Variants in ZNF525 observed in about 807,000 individuals in gnomAD.
ZNF525 encodes the protein zinc finger protein 525.
A neutral mutation model predicts 37.6 loss-of-function variants in ZNF525; 33 were observed. The observed-to-expected ratio is 0.88, with a 90% CI of 0.67 to 1.17. The LOEUF (loss-of-function observed/expected upper bound fraction) is 1.17, where lower values mean the gene tolerates loss of function less well. Among genes scored for constraint, ZNF525 ranks in the 50% most tolerant of loss-of-function variants. The probability of loss-of-function intolerance (pLI) is 0.00; values close to 1 mark genes in which losing one functional copy is unlikely to be tolerated. For synonymous variants in ZNF525, 170 were observed against 182.3 expected, an observed-to-expected ratio of 0.93 and a Z score of 0.54; for missense variants, 449 against 543.1, an observed-to-expected ratio of 0.83 and a Z score of 1.72.
In ZNF525 at chr19:53,383,389, A is replaced by G; in HGVS notation, c.*1370A>G. 5.3e-6 allele frequency: 6 copies of G among 1,130,848 alleles called. No individual in the cohort carries two copies. Among genetic ancestry groups the G allele is most frequent in the Non-Finnish European group, 7.7e-6 (6 of 781,122 alleles). The allele number at this position is 1,130,848 out of a possible 1,614,324, so 70.1% of individuals were successfully genotyped here. ...CGTCATCATAGAATTCATACTGGAG[A>G]GAAACCTTAGAAATGTGAAGAATGT... is the stretch of plus-strand genomic sequence containing the variant. On this transcript the variant is annotated 3_prime_UTR_variant, in exon 4 of 4. Coordinates refer to ENST00000474037, the MANE Select transcript of ZNF525 (RefSeq NM_001348156.2).
At chr19:53,376,344 C>G (rs1183370815) in intron 3 of ZNF525, 1 of 702,628 alleles carries the variant, frequency 1.4e-6, no homozygotes. Flanking sequence ...TTGAGTCAGT[C>G]TTTGCCTTCT....
At position 53,375,903 on chromosome 19, in the gene ZNF525, A is replaced by G. The variant is rs747325240; in HGVS notation, c.142+7A>G. ...AGGAACCTGGTCTCCCTGGGTGAGG[A>G]TAACTTCCCTCCAGAAGTGGGGATG... On this transcript the variant is annotated splice_region_variant and intron_variant, in intron 3 of 3. Coordinates refer to ENST00000474037, the MANE Select transcript of ZNF525 (RefSeq NM_001348156.2). 3 of 1,613,296 alleles carry G rather than the reference A, an allele frequency of 1.9e-6. No homozygotes were observed. Among genetic ancestry groups the G allele is most frequent in the Non-Finnish European group, 2.5e-6 (3 of 1,179,782 alleles).
chr19:53,380,832 T>A lies in ZNF525; in HGVS notation c.253T>A (p.Phe85Ile), dbSNP rs1472865939. The change falls in exon 4 of 4, where the codon TTT (phenylalanine) becomes ATT (isoleucine). Residue 85 changes from phenylalanine to isoleucine, a missense_variant. Around this residue, in one of 2 missense-constraint regions of ZNF525, gnomAD observed 271 missense variants for 381.6 expected, o/e 0.71. Coordinates refer to ENST00000474037, the MANE Select transcript of ZNF525 (RefSeq NM_001348156.2). ...QRHERHHIGD[F>I]SFQEIEKDIH... ...ACATGAACGTCATCACATTGGAGAT[T>A]TTTCCTTCCAGGAAATTGAGAAAGA... The A allele has an allele frequency of 6.9e-7, 1 of 1,441,524 alleles. No homozygotes were observed. The highest frequency in any genetic ancestry group is 9.8e-7 in the Non-Finnish European group (1 of 1,022,974). 89.3% of individuals were successfully genotyped at this position (1,441,524 alleles called of 1,614,324 possible).
At chr19:53,370,017 C>A (rs2085475819) in intron 1 of ZNF525, among the ~76,000 whole-genome samples, 1 of 151,334 alleles carries the variant, frequency 6.6e-6, no homozygotes, top group Admixed American at 6.6e-5. Context: ...AGCCACCGCG[C>A]CCGGCCAAGA....
At chr19:53,380,482 C>T (rs1296878093) in intron 3 of ZNF525, among the ~76,000 whole-genome samples, 1 of 152,148 alleles carries the variant, frequency 6.6e-6, no homozygotes, top group Non-Finnish European at 1.5e-5. Context: ...AACTGTTAGA[C>T]ACTTTAGGGT....
chr19:53,381,501 T>C lies in ZNF525; in HGVS notation c.922T>C (p.Phe308Leu). 1 of 1,340,542 alleles carries C rather than the reference T, an allele frequency of 7.5e-7. No homozygotes were observed. The highest frequency in any genetic ancestry group is 1.1e-6 in the Non-Finnish European group (1 of 930,604). 83.0% of individuals were successfully genotyped at this position (1,340,542 alleles called of 1,614,324 possible). ...CAAATGTGAAGAATGTGACAAAGCT[T>C]TCAGACACAATTCAGCCCTTCAAAG... ...PYKCEECDKA[F>L]RHNSALQRHR... Residue 308 changes from phenylalanine (F) to leucine (L), a missense_variant, in exon 4 of 4, where the codon TTC becomes CTC. Physicochemically the swap from Phe to Leu is conservative, Grantham distance 22. Around this residue, in one of 2 missense-constraint regions of ZNF525, gnomAD observed 271 missense variants for 381.6 expected, o/e 0.71. Transcript: ENST00000474037.
At chr19:53,369,782 T>C in intron 1 of ZNF525, among the ~76,000 whole-genome samples, 1 of 118,322 alleles carries the variant, frequency 8.5e-6, no homozygotes, top group Non-Finnish European at 1.7e-5. Context: ...TGGAGTGCAG[T>C]GGCGCGATCT....
chr19:53,371,887 G>A (rs1204948587), intron 1 of ZNF525, among the ~76,000 whole-genome samples: 4 of 152,110 alleles, frequency 2.6e-5, no homozygotes, highest in Admixed American at 1.3e-4. Flanking sequence ...GAGCTCAAGC[G>A]ATCTACCCCT....
intron 1 of ZNF525, among the ~76,000 whole-genome samples, chr19:53,368,922 C>T (rs796811908): frequency 6.6e-6 from 1 of 152,012 alleles, no homozygotes; most frequent in Non-Finnish European, 1.5e-5. Flanking sequence ...GCTGGGGTGC[C>T]ACGATATGCA....
chr19:53,370,628 G>C (rs2085481326), intron 1 of ZNF525, among the ~76,000 whole-genome samples: 1 of 152,046 alleles, frequency 6.6e-6, no homozygotes, highest in Non-Finnish European at 1.5e-5. Context: ...TCTTCTGGGA[G>C]AGGGGAGTGC....
chr19:53,381,114 A>G lies in ZNF525; in HGVS notation c.535A>G (p.Arg179Gly). 1.4e-6 allele frequency: 2 copies of G among 1,439,382 alleles called. No individual in the cohort carries two copies. Among genetic ancestry groups the G allele is most frequent in the Middle Eastern group, 3.5e-4 (2 of 5,720 alleles). 89.2% of individuals were successfully genotyped at this position (1,439,382 alleles called of 1,614,324 possible). A position where few individuals can be genotyped will look rare whatever the true frequency, so the allele number is the denominator to read the frequency against. The change falls in exon 4 of 4, where the codon AGA (arginine) becomes GGA (glycine). Residue 179 changes from arginine to glycine, a missense_variant. This residue lies in a region of ZNF525 where 271 missense variants were observed against 381.6 expected (regional missense o/e 0.71). Transcript: ENST00000474037. ...TGCTTCCTCGGTTTCAACAGCCCAA[A>G]GAATTTCTTGTAGGCCCAAAACCCA... ...NDASSVSTAQRISCRPKTHIS... is the reference protein window; with the variant it reads ...NDASSVSTAQGISCRPKTHIS...
chr19:53,367,209 A>G (rs939779856), intron 1 of ZNF525, among the ~76,000 whole-genome samples: 1 of 152,150 alleles, frequency 6.6e-6, no homozygotes, highest in African/African-American at 2.4e-5. Context: ...CTTCTCAAAC[A>G]GCGTCTCATA....
At chr19:53,367,806 A>G (rs757246806) in intron 1 of ZNF525, among the ~76,000 whole-genome samples, 10 of 151,924 alleles carry the variant, frequency 6.6e-5, no homozygotes, top group East Asian at 2.0e-4. Context: ...AAGCTAATCT[A>G]TTTTGGTAGA....
At chr19:53,370,082 G>T (rs2085476346) in intron 1 of ZNF525, among the ~76,000 whole-genome samples, 1 of 151,380 alleles carries the variant, frequency 6.6e-6, no homozygotes. Context: ...AAGGATAGGG[G>T]TGATAAAGAC....
chr19:53,374,228 C>T (rs927127224), intron 2 of ZNF525, among the ~76,000 whole-genome samples: 1 of 152,094 alleles, frequency 6.6e-6, no homozygotes, highest in African/African-American at 2.4e-5. Context: ...CCACTCTCCC[C>T]ACTCTCAAGC....
intron 2 of ZNF525, 86 bp downstream of exon 2, chr19:53,372,382 C>A: frequency 1.4e-6 from 1 of 739,826 alleles, no homozygotes. Context: ...AAGTCTGAAG[C>A]TTCCTGCCTG....
At chr19:53,366,452 T>A (rs1452018696) in intron 1 of ZNF525, among the ~76,000 whole-genome samples, 2 of 147,288 alleles carry the variant, frequency 1.4e-5, no homozygotes, top group Non-Finnish European at 3.0e-5. Context: ...GTAGAAAACC[T>A]GAGACAGAGA....
At chr19:53,376,390 C>G in intron 3 of ZNF525, 2 of 687,834 alleles carry the variant, frequency 2.9e-6, no homozygotes, top group Middle Eastern at 3.1e-4. Context: ...TGAAATATTA[C>G]TGATGCAGAA....
intron 3 of ZNF525, 174 bp downstream of exon 3, chr19:53,376,070 C>G (rs2085519759): frequency 7.2e-7 from 1 of 1,397,582 alleles, no homozygotes; most frequent in Non-Finnish European, 9.8e-7. Flanking sequence ...ACCTCAGCCT[C>G]CCCTCGTAGT....
Sources: allele counts gnomAD v4.1 joint callset (sites outside exome capture counted in the v4.1 genomes callset), GRCh38; gene constraint gnomAD v4.1.1; regional missense constraint gnomAD v4.1.1; transcripts MANE v1.5; gene names NCBI Gene and HGNC (gene_info 2026-07-23, HGNC 2026-07-21).